The following PCDH7 variants were observed in gnomAD, a reference collection of about 807,000 sequenced individuals.
PCDH7 encodes protocadherin-7.
A neutral mutation model predicts 58.9 loss-of-function variants in PCDH7; 17 were observed. The ratio of observed to expected loss-of-function variants is 0.29; its 90% CI spans 0.20 to 0.43. The LOEUF (loss-of-function observed/expected upper bound fraction) is 0.43. Among genes scored for constraint, PCDH7 ranks in the 20% least tolerant of loss-of-function variants. The probability of loss-of-function intolerance (pLI) is 1.00; values close to 1 mark genes in which losing one functional copy is unlikely to be tolerated. For missense variants in PCDH7, 1,274 were observed against 1,441.0 expected (o/e 0.88, Z 1.88); for synonymous variants, 664 against 616.4 (o/e 1.08, Z -1.14).
At chr4:30,846,959 A>G (rs529825520) in intron 1 of PCDH7, among the ~76,000 whole-genome samples, 11 of 152,056 alleles carry the variant, frequency 7.2e-5, no homozygotes, top group Admixed American at 4.6e-4. Flanking sequence ...CCTCATTTCT[A>G]CAAGAAATTA....
chr4:30,990,157 C>T (rs1751345637), intron 3 of PCDH7, among the ~76,000 whole-genome samples: 1 of 151,622 alleles, frequency 6.6e-6, no homozygotes, highest in South Asian at 2.1e-4. Context: ...AAGCATTCAG[C>T]ATTATTCTAC....
intron 3 of PCDH7, among the ~76,000 whole-genome samples, chr4:31,048,097 C>T (rs1314685900): frequency 1.3e-5 from 2 of 151,784 alleles, no homozygotes; most frequent in Non-Finnish European, 2.9e-5. Flanking sequence ...ACTTTTTCTT[C>T]TTTCATATAA....
chr4:31,124,124 T>TC (rs1718010030), intron 3 of PCDH7, among the ~76,000 whole-genome samples: 1 of 152,062 alleles, frequency 6.6e-6, no homozygotes, highest in South Asian at 2.1e-4. Flanking sequence ...GAATACAGGT[T>TC]CTCATTAGGG....
intron 3 of PCDH7, among the ~76,000 whole-genome samples, chr4:31,043,776 A>G (rs1023691029): frequency 2.6e-5 from 4 of 152,084 alleles, no homozygotes; most frequent in Non-Finnish European, 2.9e-5. Context: ...TTACTCTGAT[A>G]ATAGTTTCTT....
Position 30,754,541 on chromosome 4 carries a change from A to G in PCDH7, c.70+29945A>G, listed in dbSNP as rs192571461. On this transcript the variant is annotated intron_variant, in intron 1 of 3. Coordinates refer to the PCDH7 transcript ENST00000509759. ...ATTCACACCCAATACAGGAAATATT[A>G]GTTGGAAACAATAAATCTTGTCAGG... 9.8e-4 allele frequency among the ~76,000 whole-genome samples: 150 copies of G among 152,322 alleles called. 3 individuals are homozygous for G. The East Asian group carries it at 0.023, about 23-fold the overall frequency.
rs768686306 is a variant in PCDH7, at chr4:30,723,195, C to G, written c.1773C>G (p.Ile591Met). 6.2e-7 allele frequency: 1 copy of G among 1,614,162 alleles called. No individual in the cohort carries two copies. The highest frequency in any genetic ancestry group is 8.5e-7 in the Non-Finnish European group (1 of 1,180,044). ...CCATCGATCCCGATTCTGGGGACAT[C>G]CTGGTCAATACCGTGCTGGACCGCG... Residue 591 changes from isoleucine to methionine, a missense_variant, in exon 1 of 2, where the codon ATC becomes ATG. Ile to Met is a conservative substitution (Grantham distance 10). Transcript: ENST00000361762. This position sits in a 1 kb window ranked among gnomAD's most constrained non-coding sequence, Gnocchi z 4.6.
intron 3 of PCDH7, among the ~76,000 whole-genome samples, chr4:31,119,395 G>A (rs140863139): frequency 6.6e-6 from 1 of 152,182 alleles, no homozygotes; most frequent in African/African-American, 2.4e-5. Context: ...AGGCAGAGCT[G>A]AAAATCTATA....
At chr4:30,902,384 T>C (rs1332652445) in intron 1 of PCDH7, among the ~76,000 whole-genome samples, 1 of 152,146 alleles carries the variant, frequency 6.6e-6, no homozygotes, top group African/African-American at 2.4e-5. Flanking sequence ...TAAGCAGTTG[T>C]CATTTAAAAA....
chr4:30,896,920 T>G (rs1739486041), intron 1 of PCDH7, among the ~76,000 whole-genome samples: 1 of 135,592 alleles, frequency 7.4e-6, no homozygotes. Context: ...TTTTTTTTTT[T>G]TTGAGGTGGA....
At chr4:30,854,844 A>C (rs567914125) in intron 1 of PCDH7, among the ~76,000 whole-genome samples, 1 of 151,932 alleles carries the variant, frequency 6.6e-6, no homozygotes, top group African/African-American at 2.4e-5. Context: ...ATTTCCTAGG[A>C]GTGTTCAAGA....
intron 1 of PCDH7, among the ~76,000 whole-genome samples, chr4:30,877,384 T>C (rs1407137668): frequency 2.6e-5 from 4 of 152,156 alleles, no homozygotes; most frequent in African/African-American, 9.7e-5. Context: ...AGGAAATTAC[T>C]CTGGCACCTC....
At chr4:30,931,946 C>G (rs1162602255) in intron 2 of PCDH7, among the ~76,000 whole-genome samples, 2 of 150,924 alleles carry the variant, frequency 1.3e-5, no homozygotes, top group East Asian at 3.9e-4. Flanking sequence ...GTTTTGTCCT[C>G]TAGTATGACT....
chr4:30,846,466 C>T (rs956180230), intron 1 of PCDH7, among the ~76,000 whole-genome samples: 2 of 151,806 alleles, frequency 1.3e-5, no homozygotes, highest in Non-Finnish European at 2.9e-5. Context: ...GTTATACTTT[C>T]CAGACTCCAG....
At chr4:31,090,511 A>C (rs544345838) in intron 3 of PCDH7, among the ~76,000 whole-genome samples, 2 of 152,214 alleles carry the variant, frequency 1.3e-5, no homozygotes, top group South Asian at 4.1e-4. Flanking sequence ...GGCCTTACTC[A>C]TTCTTTCTAA....
intron 1 of PCDH7, among the ~76,000 whole-genome samples, chr4:30,825,853 T>C (rs765544123): frequency 6.6e-6 from 1 of 152,144 alleles, no homozygotes; most frequent in Non-Finnish European, 1.5e-5. Flanking sequence ...CTTTTAAAAT[T>C]AATGTTTAAT....
intron 1 of PCDH7, 172 bp downstream of exon 1, chr4:30,724,768 G>A: frequency 7.0e-7 from 1 of 1,419,800 alleles, no homozygotes; most frequent in Non-Finnish European, 9.2e-7. Flanking sequence ...TCTACAAGAG[G>A]TATACCACTG....
At chr4:31,041,858 G>A (rs2109205463) in intron 3 of PCDH7, among the ~76,000 whole-genome samples, 1 of 152,206 alleles carries the variant, frequency 6.6e-6, no homozygotes, top group East Asian at 1.9e-4. Flanking sequence ...AGGAATAAAT[G>A]TCATCCAAGG....
intron 3 of PCDH7, among the ~76,000 whole-genome samples, chr4:30,986,494 C>G (rs1025177323): frequency 6.6e-6 from 1 of 151,884 alleles, no homozygotes; most frequent in African/African-American, 2.4e-5. Context: ...GATATTGTAG[C>G]AAATCTGAAA....
intron 3 of PCDH7, among the ~76,000 whole-genome samples, chr4:30,962,946 C>T (rs1748608820): frequency 6.6e-6 from 1 of 152,096 alleles, no homozygotes; most frequent in Non-Finnish European, 1.5e-5. Flanking sequence ...ACTGGGCTTT[C>T]ACCAGGAAGG....
Sources: gnomAD v4.1 joint callset for allele counts (sites outside exome capture counted in the v4.1 genomes callset) on GRCh38, gnomAD v4.1.1 for gene constraint, Gnocchi (gnomAD v3.1) non-coding constraint, MANE v1.5 for transcripts, NCBI Gene and HGNC (gene_info 2026-07-23, HGNC 2026-07-21) for gene names.